PHIP: variants seen among roughly 807,000 people sequenced by gnomAD.
PHIP encodes PHIP subunit of CUL4-Ring ligase complex.
Under a neutral mutation model 236.8 loss-of-function variants are expected in PHIP, and 54 were observed. The observed-to-expected ratio is 0.23, with a 90% CI of 0.18 to 0.29. PHIP has a LOEUF of 0.29. Among genes scored for constraint, PHIP ranks in the 10% least tolerant of loss-of-function variants. PHIP has a pLI of 1.00. For synonymous variants in PHIP, 756 were observed against 718.9 expected, an observed-to-expected ratio of 1.05 and a Z score of -0.83; for missense variants, 1,370 against 2,190.8, an observed-to-expected ratio of 0.63 and a Z score of 7.48.
At chr6:79,016,746 T>TCTAA in intron 12 of PHIP, 104 bp from the exon 13 acceptor site, 1 of 663,054 alleles carries the variant, frequency 1.5e-6, no homozygotes, top group South Asian at 2.3e-5. Context: ...TCATCTTTAT[T>TCTAA]TATGCAGCAT....
chr6:78,991,138 T>C (rs1251709111), intron 19 of PHIP, among the ~76,000 whole-genome samples, 153 bp from the exon 20 acceptor site: 1 of 152,080 alleles, frequency 6.6e-6, no homozygotes, highest in Non-Finnish European at 1.5e-5. Context: ...ATTTCATAGG[T>C]TGTGGGCTCA....
At chr6:79,076,440 T>G (rs767918333) in intron 4 of PHIP, among the ~76,000 whole-genome samples, 1 of 152,144 alleles carries the variant, frequency 6.6e-6, no homozygotes, top group Non-Finnish European at 1.5e-5. Context: ...CACACACATA[T>G]TCACACAACG....
chr6:78,978,242 A>G (rs1172549000), intron 24 of PHIP, among the ~76,000 whole-genome samples: 2 of 152,104 alleles, frequency 1.3e-5, no homozygotes, highest in Admixed American at 1.3e-4. Context: ...CAAATTGCTA[A>G]ATTTCATTTT....
At chr6:78,981,196 A>T (rs1344426719) in intron 23 of PHIP, among the ~76,000 whole-genome samples, 1 of 151,938 alleles carries the variant, frequency 6.6e-6, no homozygotes, top group Non-Finnish European at 1.5e-5. Flanking sequence ...AGTATAAATA[A>T]TTTCTTTCCT....
intron 39 of PHIP, among the ~76,000 whole-genome samples, chr6:78,943,210 G>T (rs1030929148): frequency 6.6e-6 from 1 of 151,964 alleles, no homozygotes; most frequent in Non-Finnish European, 1.5e-5. Context: ...TATTCCACTA[G>T]ACAACACTGC....
chr6:79,020,731 G>A (rs967849783), intron 9 of PHIP, among the ~76,000 whole-genome samples: 3 of 152,182 alleles, frequency 2.0e-5, no homozygotes, highest in Non-Finnish European at 2.9e-5. Flanking sequence ...TCACAATAGC[G>A]AAGATTTGTG....
At chr6:79,020,266 T>C (rs1247868854) in intron 9 of PHIP, among the ~76,000 whole-genome samples, 1 of 152,192 alleles carries the variant, frequency 6.6e-6, no homozygotes, top group African/African-American at 2.4e-5. Flanking sequence ...TTATCTTTTT[T>C]ACTGATACAG....
intron 7 of PHIP, among the ~76,000 whole-genome samples, chr6:79,031,616 C>T (rs1446752138): frequency 6.6e-6 from 1 of 152,060 alleles, no homozygotes; most frequent in Non-Finnish European, 1.5e-5. Context: ...TAGTCTACTG[C>T]CACACCTGAA....
At chr6:79,009,346 T>C (rs1044388827) in intron 15 of PHIP, among the ~76,000 whole-genome samples, 2 of 152,092 alleles carry the variant, frequency 1.3e-5, no homozygotes, top group African/African-American at 4.8e-5. Context: ...TAAAATTCAT[T>C]CTCTTTCTTA....
intron 9 of PHIP, among the ~76,000 whole-genome samples, chr6:79,024,783 C>A (rs1353427739): frequency 1.3e-5 from 2 of 151,730 alleles, no homozygotes; most frequent in Non-Finnish European, 2.9e-5. Context: ...CCAGCCTGGG[C>A]GACACAGTGA....
intron 16 of PHIP, among the ~76,000 whole-genome samples, chr6:79,002,474 C>T (rs2127732066): frequency 6.6e-6 from 1 of 152,168 alleles, no homozygotes; most frequent in African/African-American, 2.4e-5. Flanking sequence ...ATAAGTTTAA[C>T]TGTGCACTGT....
chr6:79,024,271 C>T (rs1771276217), intron 9 of PHIP, among the ~76,000 whole-genome samples: 1 of 152,086 alleles, frequency 6.6e-6, no homozygotes. Flanking sequence ...ATAACAAAGG[C>T]ATACATATAT....
chr6:79,036,648 C>T (rs1411252092), intron 7 of PHIP, among the ~76,000 whole-genome samples: 4 of 152,160 alleles, frequency 2.6e-5, no homozygotes, highest in South Asian at 4.2e-4. Context: ...CTGGGCCAGG[C>T]GCGGTGGCTC....
intron 7 of PHIP, among the ~76,000 whole-genome samples, chr6:79,036,704 G>T (rs1771951749): frequency 6.6e-6 from 1 of 151,984 alleles, no homozygotes; most frequent in Non-Finnish European, 1.5e-5. Flanking sequence ...GGTAGATCAT[G>T]AGGTCAGGAG....
chr6:79,016,376 A>T (rs1770833951), intron 13 of PHIP, among the ~76,000 whole-genome samples, 168 bp downstream of exon 13: 1 of 151,968 alleles, frequency 6.6e-6, no homozygotes, highest in Non-Finnish European at 1.5e-5. Flanking sequence ...CCAATGAATC[A>T]TTTCATAAAA....
At chr6:79,044,365 T>C (rs1306258101) in intron 6 of PHIP, among the ~76,000 whole-genome samples, 4 of 152,150 alleles carry the variant, frequency 2.6e-5, no homozygotes, top group Non-Finnish European at 5.9e-5. Context: ...TATATACCAA[T>C]TTAACAGAGA....
Position 79,033,221 on chromosome 6 carries a change from T to C in PHIP, c.601-7057A>G, listed in dbSNP as rs1480489016. The stretch of plus-strand genomic sequence containing the variant: ...TCTTATGGTCCTAGAATTTAAAAAA[T>C]GGTAAATGGACACTGGTTTCAACTT... On this transcript the variant is annotated intron_variant, in intron 7 of 39. Coordinates refer to ENST00000275034, the MANE Select transcript of PHIP (RefSeq NM_017934.7). Among the ~76,000 whole-genome samples the C allele has an allele frequency of 2.6e-5, 4 of 152,176 alleles. No homozygotes were observed. The East Asian group carries it at 5.8e-4, about 22-fold the overall frequency.
At chr6:78,954,739 C>G in intron 35 of PHIP, 75 bp downstream of exon 35, 1 of 881,650 alleles carries the variant, frequency 1.1e-6, no homozygotes, top group Non-Finnish European at 1.7e-6. Context: ...TAAAAAGTAA[C>G]TAAAATAGCC....
chr6:78,954,175 C>T lies in PHIP; in HGVS notation c.4053+639G>A, dbSNP rs377370043. On this transcript the variant is annotated intron_variant, in intron 35 of 39. Transcript: ENST00000275034. ...GGAGTACGGCAGTGGGATCTCGGCT[C>T]ACTGCAAGCTCCACCTCCCGGGTTC... Among the ~76,000 whole-genome samples, 3 of 151,888 alleles carry T rather than the reference C, an allele frequency of 2.0e-5. No homozygotes were observed. In the East Asian group the frequency reaches 5.9e-4, roughly 30 times the overall value.
Sources: allele counts gnomAD v4.1 joint callset (sites outside exome capture counted in the v4.1 genomes callset), GRCh38; gene constraint gnomAD v4.1.1; transcripts MANE v1.5; gene names NCBI Gene and HGNC (gene_info 2026-07-23, HGNC 2026-07-21).